EYS: variants seen among roughly 807,000 people sequenced by gnomAD.
EYS encodes EGF-like photoreceptor maintenance factor, also known as protein eyes shut homolog.
EYS carries 250 observed loss-of-function variants against 282.1 expected under a neutral mutation model. The ratio of observed to expected loss-of-function variants is 0.89; its 90% CI spans 0.80 to 0.98. The LOEUF is 0.98. Among genes scored for constraint, EYS ranks in the 50% least tolerant of loss-of-function variants. EYS has a pLI of 0.00. For synonymous variants in EYS, 1,355 were observed against 1,282.9 expected (o/e 1.06, Z -1.20); for missense variants, 4,016 against 3,709.0 (o/e 1.08, Z -2.15).
chr6:64,733,660 C>CA (rs1010098983), intron 22 of EYS: 13 of 156,840 alleles, frequency 8.3e-5, no homozygotes, highest in African/African-American at 2.7e-4. Context: ...AGTTCTAACT[C>CA]AGAGAGCTCA....
At chr6:65,260,726 CT>C (rs778939432) in intron 12 of EYS, among the ~76,000 whole-genome samples, 1 of 151,856 alleles carries the variant, frequency 6.6e-6, no homozygotes, top group Non-Finnish European at 1.5e-5. Flanking sequence ...CAATATGGCC[CT>C]TTTATGTTGT....
intron 35 of EYS, among the ~76,000 whole-genome samples, chr6:63,976,245 A>G (rs941715281): frequency 1.9e-4 from 29 of 152,156 alleles, no homozygotes; most frequent in Admixed American, 1.4e-3. Context: ...CTTTATAAAT[A>G]CCATGCACTT....
intron 26 of EYS, among the ~76,000 whole-genome samples, chr6:64,530,174 A>G (rs548468201): frequency 4.8e-4 from 73 of 152,202 alleles, no homozygotes; most frequent in Admixed American, 1.6e-3. Flanking sequence ...ATTATCTAAC[A>G]CTGATAAGTA....
At chr6:65,601,434 T>C (rs1043924270) in intron 2 of EYS, among the ~76,000 whole-genome samples, 2 of 151,796 alleles carry the variant, frequency 1.3e-5, no homozygotes, top group African/African-American at 4.8e-5. Flanking sequence ...TGCTTTTTTT[T>C]CCCCCACAGA....
Position 64,512,357 on chromosome 6 carries a change from G to A in EYS, c.5645-73005C>T, listed in dbSNP as rs146160309. On this transcript the variant is annotated intron_variant, in intron 26 of 42. Coordinates refer to ENST00000503581, the MANE Select transcript of EYS (RefSeq NM_001142800.2). ...GAAAGAATAGTACCAGCCAAAATAC[G>A]CAATCTATTTCATAGGTAGGCAATA... Among the ~76,000 whole-genome samples, 802 of 152,072 alleles carry A rather than the reference G, an allele frequency of 5.3e-3. 8 individuals are homozygous for A. Among genetic ancestry groups the A allele is most frequent in the South Asian group, 0.021 (102 of 4,818 alleles).
At chr6:64,522,239 A>G (rs1334988664) in intron 26 of EYS, among the ~76,000 whole-genome samples, 2 of 151,808 alleles carry the variant, frequency 1.3e-5, no homozygotes, top group African/African-American at 4.8e-5. Context: ...GTTTTGAAAC[A>G]TAGTTTCATT....
At chr6:63,994,942 G>C (rs1036834477) in intron 34 of EYS, among the ~76,000 whole-genome samples, 4 of 151,654 alleles carry the variant, frequency 2.6e-5, no homozygotes, top group African/African-American at 9.7e-5. Context: ...GAAAACATGG[G>C]GAAAATGCTT....
At chr6:65,395,053 T>A (rs919427691) in intron 7 of EYS, among the ~76,000 whole-genome samples, 2 of 152,166 alleles carry the variant, frequency 1.3e-5, no homozygotes, top group African/African-American at 4.8e-5. Context: ...AATCCCAACC[T>A]TACTTTATTT....
At chr6:65,695,928 A>T (rs1769438971) in intron 1 of EYS, among the ~76,000 whole-genome samples, 1 of 152,030 alleles carries the variant, frequency 6.6e-6, no homozygotes, top group African/African-American at 2.4e-5. Flanking sequence ...AGTTAACTGC[A>T]ACTTGAGCAT....
At chr6:65,230,453 G>A (rs1562037305) in intron 12 of EYS, among the ~76,000 whole-genome samples, 1 of 151,822 alleles carries the variant, frequency 6.6e-6, no homozygotes, top group Non-Finnish European at 1.5e-5. Flanking sequence ...CCCCCCAGAA[G>A]ATTATTTTTA....
intron 32 of EYS, among the ~76,000 whole-genome samples, chr6:64,076,906 T>TTATGTAG (rs1388057344): frequency 6.6e-6 from 1 of 151,836 alleles, no homozygotes; most frequent in African/African-American, 2.4e-5. Context: ...TCCCAAAGAA[T>TTATGTAG]TATGTAGCTA....
chr6:65,598,203 G>A (rs1201223957), intron 2 of EYS, among the ~76,000 whole-genome samples: 1 of 141,434 alleles, frequency 7.1e-6, no homozygotes, highest in Non-Finnish European at 1.5e-5. Flanking sequence ...GGTAGTAATA[G>A]ATTTCTGTTA....
chr6:65,100,486 A>C (rs1255978586), intron 12 of EYS, among the ~76,000 whole-genome samples: 1 of 150,728 alleles, frequency 6.6e-6, no homozygotes, highest in Non-Finnish European at 1.5e-5. Flanking sequence ...ATTGAGTATC[A>C]CATCAAATAA....
At chr6:65,384,107 C>T (rs1450484855) in intron 8 of EYS, among the ~76,000 whole-genome samples, 1 of 151,808 alleles carries the variant, frequency 6.6e-6, no homozygotes, top group Non-Finnish European at 1.5e-5. Context: ...GTATTAGTAA[C>T]TGGGGTTTTA....
intron 2 of EYS, among the ~76,000 whole-genome samples, chr6:65,598,990 T>C (rs1375108573): frequency 6.6e-6 from 1 of 152,084 alleles, no homozygotes. Context: ...TTTATATATC[T>C]ATATCTATAC....
chr6:64,409,668 C>T (rs961830968), intron 28 of EYS, among the ~76,000 whole-genome samples: 7 of 152,116 alleles, frequency 4.6e-5, no homozygotes, highest in South Asian at 4.1e-4. Flanking sequence ...TTATTTTGGG[C>T]GCATTGGCTT....
At chr6:65,657,564 T>C (rs1767869865) in intron 1 of EYS, among the ~76,000 whole-genome samples, 1 of 151,896 alleles carries the variant, frequency 6.6e-6, no homozygotes, top group African/African-American at 2.4e-5. Context: ...AAGATGTGAC[T>C]GAATTGCTGT....
chr6:65,668,301 T>TG (rs1768268646), intron 1 of EYS, among the ~76,000 whole-genome samples: 1 of 151,910 alleles, frequency 6.6e-6, no homozygotes, highest in Admixed American at 6.6e-5. Flanking sequence ...AAAGCCTGAC[T>TG]GTTTTTTAAA....
chr6:65,543,904 G>T (rs921145865), intron 2 of EYS, among the ~76,000 whole-genome samples: 3 of 152,006 alleles, frequency 2.0e-5, no homozygotes, highest in Non-Finnish European at 4.4e-5. Flanking sequence ...AGGGTATGAG[G>T]GAGCATAGTA....
Sources: allele counts gnomAD v4.1 joint callset (sites outside exome capture counted in the v4.1 genomes callset), GRCh38; gene constraint gnomAD v4.1.1; transcripts MANE v1.5; gene names NCBI Gene and HGNC (gene_info 2026-07-23, HGNC 2026-07-21).